The following SLC25A25 variants were observed in gnomAD, a reference collection of about 807,000 sequenced individuals.
SLC25A25 encodes the protein mitochondrial adenyl nucleotide antiporter SLC25A25.
SLC25A25 carries 32 observed loss-of-function variants against 57.7 expected under a neutral mutation model. The ratio of observed to expected loss-of-function variants is 0.55; its 90% confidence interval spans 0.42 to 0.74. The LOEUF (loss-of-function observed/expected upper bound fraction) is 0.74, where lower values mean the gene tolerates loss of function less well. SLC25A25 is among the 30% of genes least tolerant of loss of function. SLC25A25 has a pLI of 0.00. For missense variants in SLC25A25, 556 were observed against 701.3 expected (o/e 0.79, Z 2.34); for synonymous variants, 306 against 291.2 (o/e 1.05, Z -0.52).
Position 128,103,872 on chromosome 9 carries a change from G to C in SLC25A25, c.783+33G>C. ...GGGAAAAGGCCCCAGACCCCTGGGG[G>C]GCCAGTTTCCACCTGGGGGATGCTG... On this transcript the variant is annotated intron_variant, in intron 6 of 10. Coordinates refer to ENST00000373069, the MANE Select transcript of SLC25A25 (RefSeq NM_001330988.2). This position sits in a 1 kb window ranked among gnomAD's most constrained non-coding sequence, Gnocchi z 6.7. The C allele has an allele frequency of 6.7e-7, 1 of 1,494,324 alleles. No homozygotes were observed. 92.6% of individuals were successfully genotyped at this position (1,494,324 alleles called of 1,614,324 possible). A position where few individuals can be genotyped will look rare whatever the true frequency, so the allele number is the denominator to read the frequency against.
At chr9:128,070,977 A>G (rs1267974412) in intron 1 of SLC25A25, among the ~76,000 whole-genome samples, 1 of 151,778 alleles carries the variant, frequency 6.6e-6, no homozygotes, top group Non-Finnish European at 1.5e-5. Flanking sequence ...AAAAAAAGAA[A>G]GAAAGAAAAG....
In SLC25A25 at chr9:128,107,629, C is replaced by G; in HGVS notation, c.*185C>G. 1.7e-6 allele frequency: 1 copy of G among 585,472 alleles called. No homozygotes were observed. Among genetic ancestry groups the G allele is most frequent in the East Asian group, 3.1e-5 (1 of 32,578 alleles). The allele number at this position is 585,472 out of a possible 1,614,324, so 36.3% of individuals were successfully genotyped here. On this transcript the variant is annotated 3_prime_UTR_variant, in exon 11 of 11. Transcript: ENST00000373069. ...CCAGGGCTTGTCCTGCTGACCCCAG[C>G]AGACCCTCCTGTTGGTTCCAGCGAA... is the stretch of plus-strand genomic sequence containing the variant.
chr9:128,091,525 T>A, intron 1 of SLC25A25: 1 of 993,170 alleles, frequency 1.0e-6, no homozygotes, highest in Non-Finnish European at 1.2e-6. Context: ...GTGGTCTGCT[T>A]GGCTGTCGCG....
chr9:128,102,035 G>C lies in SLC25A25; in HGVS notation c.477-45G>C. ...CTAACATGGCTCCGAGCACTTATGCGTGTTGTTTCTGCTCTCTCCTCCGCA... is the reference window on the plus strand; with the variant it reads ...CTAACATGGCTCCGAGCACTTATGCCTGTTGTTTCTGCTCTCTCCTCCGCA... On this transcript the variant is annotated intron_variant, in intron 3 of 10. Transcript: ENST00000373069. This position sits in a 1 kb window ranked among gnomAD's most constrained non-coding sequence, Gnocchi z 4.1. The C allele has an allele frequency of 1.3e-6, 2 of 1,550,110 alleles. No individual in the cohort carries two copies. The highest frequency in any genetic ancestry group is 1.7e-6 in the Non-Finnish European group (2 of 1,146,588).
At chr9:128,094,929 C>T (rs1049528575) in intron 1 of SLC25A25, among the ~76,000 whole-genome samples, 1 of 152,150 alleles carries the variant, frequency 6.6e-6, no homozygotes, top group Non-Finnish European at 1.5e-5. Flanking sequence ...GAATGGACAT[C>T]GGAGGAGCTG....
At chr9:128,068,729 T>G in intron 1 of SLC25A25, 149 bp downstream of exon 1, 1 of 918,268 alleles carries the variant, frequency 1.1e-6, no homozygotes, top group Middle Eastern at 3.7e-4. Flanking sequence ...ACCCCACTTA[T>G]GCCCTGGTGG....
In SLC25A25 at chr9:128,107,131, C is replaced by T. The variant is rs1195198168; in HGVS notation, c.1315C>T (p.Leu439=). The change falls in exon 10 of 11, where the codon CTG becomes TTG. Residue 439 remains leucine, a synonymous_variant. Transcript: ENST00000373069. ...CACCATGTCCAGTACCTGTGGCCAG[C>T]TGGCCAGCTACCCCCTGGCCCTAGT... is the stretch of plus-strand genomic sequence containing the variant. The part of the protein sequence containing the change: ...CGTMSSTCGQ[L]ASYPLALVRT... 1.9e-6 allele frequency: 3 copies of T among 1,613,904 alleles called. No homozygotes were observed. Among genetic ancestry groups the T allele is most frequent in the Non-Finnish European group, 2.5e-6 (3 of 1,180,044 alleles).
chr9:128,072,634 T>C (rs993051990), intron 1 of SLC25A25, among the ~76,000 whole-genome samples: 6 of 152,204 alleles, frequency 3.9e-5, no homozygotes, highest in Non-Finnish European at 5.9e-5. Context: ...AGAGAAACCG[T>C]TGGCAGCCAG....
intron 1 of SLC25A25, among the ~76,000 whole-genome samples, chr9:128,083,981 T>G (rs1323137895): frequency 6.6e-6 from 1 of 152,122 alleles, no homozygotes; most frequent in East Asian, 1.9e-4. Flanking sequence ...TGCTCCAGGC[T>G]CCTTTATACT....
chr9:128,069,440 G>C (rs951763901), intron 1 of SLC25A25, among the ~76,000 whole-genome samples: 1 of 152,074 alleles, frequency 6.6e-6, no homozygotes, highest in Non-Finnish European at 1.5e-5. Context: ...AGCTTAGCCT[G>C]ATTTACAGCC....
In SLC25A25 at chr9:128,090,402, G is replaced by A. The variant is rs925708680; in HGVS notation, c.262-10694G>A. Among the ~76,000 whole-genome samples the A allele has an allele frequency of 8.6e-5, 13 of 151,786 alleles. No homozygotes were observed. The East Asian group carries it at 9.8e-4, about 11-fold the overall frequency. On this transcript the variant is annotated intron_variant, in intron 1 of 10. Transcript: ENST00000373069. ...TAATTTTTCTATTTTTAGTAGAGAC[G>A]GGGTTTCACCATGTTGGCCAGGCTG...
chr9:128,091,991 A>G (rs1833421932), intron 1 of SLC25A25: 1 of 1,614,010 alleles, frequency 6.2e-7, no homozygotes, highest in Non-Finnish European at 8.5e-7. Flanking sequence ...GAGAGACCAG[A>G]TGGCAAGCTT....
Position 128,102,376 on chromosome 9 carries a change from T to C in SLC25A25, c.519T>C (p.Asp173=). The C allele has an allele frequency of 1.2e-6, 2 of 1,613,830 alleles. No homozygotes were observed. Among genetic ancestry groups the C allele is most frequent in the African/African-American group, 2.7e-5 (2 of 74,968 alleles). ...CCTCGCCTCTGTCTTGCAGCATGGA[T>C]AAAAACGGCACGATGACCATTGACT... is the stretch of plus-strand genomic sequence containing the variant. ...GHFWGPVTYM[D]KNGTMTIDWN... Residue 173 remains aspartate (D), a synonymous_variant, in exon 5 of 11, where the codon GAT becomes GAC. Coordinates refer to ENST00000373069, the MANE Select transcript of SLC25A25 (RefSeq NM_001330988.2). This position sits in a 1 kb window ranked among gnomAD's most constrained non-coding sequence, Gnocchi z 4.1.
At chr9:128,106,329 C>A in intron 8 of SLC25A25, 24 bp from the exon 9 acceptor site, 1 of 1,613,692 alleles carries the variant, frequency 6.2e-7, no homozygotes, top group South Asian at 1.1e-5. Context: ...TGTGCTCACG[C>A]GTCCCGCTGC....
chr9:128,102,188 AT>A lies in SLC25A25; in HGVS notation c.512+75del. On this transcript the variant is annotated intron_variant, in intron 4 of 10. Coordinates refer to ENST00000373069, the MANE Select transcript of SLC25A25 (RefSeq NM_001330988.2). The surrounding 1 kb of genome is among the most constrained non-coding windows in gnomAD (Gnocchi z 4.1). ...GATCAGAGCGGGATTCTTGTGGGCC[AT>A]TATATTGCCATTGTTGTGCTAAGTG... The A allele has an allele frequency of 6.5e-7, 1 of 1,527,476 alleles. No homozygotes were observed. Among genetic ancestry groups the A allele is most frequent in the Non-Finnish European group, 8.9e-7 (1 of 1,125,898 alleles). The allele number at this position is 1,527,476 out of a possible 1,614,324, so 94.6% of individuals were successfully genotyped here. A position where few individuals can be genotyped will look rare whatever the true frequency, so the allele number is the denominator to read the frequency against.
Position 128,100,938 on chromosome 9 carries a change from G to A in SLC25A25, c.262-158G>A, listed in dbSNP as rs1715626645. ...GGTGGCTCTGGCATGTAAGTCGATT[G>A]CCATGGTGGCTCTGAGAGTGGAGCA... is the stretch of plus-strand genomic sequence containing the variant. On this transcript the variant is annotated intron_variant, in intron 1 of 10. Coordinates refer to ENST00000373069, the MANE Select transcript of SLC25A25 (RefSeq NM_001330988.2). 5.0e-6 allele frequency: 5 copies of A among 991,392 alleles called. No homozygotes were observed. In the South Asian group the frequency reaches 8.6e-5, roughly 17 times the overall value. 61.4% of individuals were successfully genotyped at this position (991,392 alleles called of 1,614,324 possible).
chr9:128,106,749 C>T (rs879546861), intron 9 of SLC25A25, among the ~76,000 whole-genome samples: 1 of 152,158 alleles, frequency 6.6e-6, no homozygotes, highest in Non-Finnish European at 1.5e-5. Context: ...GCTCAGCAGG[C>T]AGATCCCCAG....
chr9:128,083,731 G>T (rs1175487584), intron 1 of SLC25A25, among the ~76,000 whole-genome samples: 1 of 149,786 alleles, frequency 6.7e-6, no homozygotes, highest in Non-Finnish European at 1.5e-5. Context: ...TGTTAGCCAG[G>T]ATGGCCTCTA....
intron 1 of SLC25A25, among the ~76,000 whole-genome samples, chr9:128,089,182 A>T (rs1011889709): frequency 6.6e-6 from 1 of 151,060 alleles, no homozygotes; most frequent in African/African-American, 2.4e-5. Flanking sequence ...GTGAACCACC[A>T]CTCCTGGCCA....
Sources: gnomAD v4.1 joint callset for allele counts (sites outside exome capture counted in the v4.1 genomes callset) on GRCh38, gnomAD v4.1.1 for gene constraint, Gnocchi (gnomAD v3.1) non-coding constraint, MANE v1.5 for transcripts, NCBI Gene and HGNC (gene_info 2026-07-23, HGNC 2026-07-21) for gene names.